The following CNTN4 variants were observed in gnomAD, a reference collection of about 807,000 sequenced individuals.
The protein encoded by CNTN4 is contactin 4, also known as contactin-4.
Under a neutral mutation model 122.5 loss-of-function variants are expected in CNTN4, and 77 were observed. The observed-to-expected ratio is 0.63, with a 90% CI of 0.52 to 0.76. The LOEUF (loss-of-function observed/expected upper bound fraction) is 0.76. Among genes scored for constraint, CNTN4 ranks in the 30% least tolerant of loss-of-function variants. The pLI is 0.00. For missense variants in CNTN4, 1,256 were observed against 1,259.1 expected (o/e 1.00, Z 0.04); for synonymous variants, 512 against 447.0 (o/e 1.15, Z -1.83).
chr3:2,331,019 A>G (rs1575392356), intron 2 of CNTN4, among the ~76,000 whole-genome samples: 1 of 152,326 alleles, frequency 6.6e-6, no homozygotes, highest in South Asian at 2.1e-4. Context: ...ATGTAGAGTG[A>G]CAAGTTTTCA....
At chr3:2,714,143 C>A (rs1281144203) in intron 4 of CNTN4, among the ~76,000 whole-genome samples, 1 of 152,022 alleles carries the variant, frequency 6.6e-6, no homozygotes, top group Non-Finnish European at 1.5e-5. Flanking sequence ...CCCCTGTTGG[C>A]CAGGCAGTGT....
chr3:2,120,367 A>ATT, intron 2 of CNTN4, among the ~76,000 whole-genome samples: 1 of 47,786 alleles, frequency 2.1e-5, no homozygotes, highest in Admixed American at 3.5e-4. Context: ...ATATATATAT[A>ATT]TATATAAATA....
chr3:2,706,359 G>C (rs1233391220), intron 4 of CNTN4, among the ~76,000 whole-genome samples: 2 of 152,172 alleles, frequency 1.3e-5, no homozygotes, highest in East Asian at 3.9e-4. Context: ...GATTACATAA[G>C]GAAAAATGAT....
At chr3:2,605,162 C>T (rs1467417863) in intron 4 of CNTN4, among the ~76,000 whole-genome samples, 2 of 152,134 alleles carry the variant, frequency 1.3e-5, no homozygotes, top group Non-Finnish European at 2.9e-5. Context: ...GCACACCATG[C>T]CTGTCTAATA....
intron 3 of CNTN4, among the ~76,000 whole-genome samples, chr3:2,401,273 GTC>G (rs1167239210): frequency 1.3e-5 from 2 of 152,172 alleles, no homozygotes; most frequent in East Asian, 3.9e-4. Context: ...GTTTCTCAAG[GTC>G]AGAGAGCCTG....
chr3:2,148,143 A>G (rs746348849), intron 2 of CNTN4, among the ~76,000 whole-genome samples: 2 of 152,206 alleles, frequency 1.3e-5, no homozygotes, highest in Non-Finnish European at 2.9e-5. Context: ...AATTCAGAAA[A>G]TAGTAGTAGG....
At chr3:2,710,609 TGTG>T (rs1185931564) in intron 4 of CNTN4, among the ~76,000 whole-genome samples, 1 of 152,168 alleles carries the variant, frequency 6.6e-6, no homozygotes, top group African/African-American at 2.4e-5. Flanking sequence ...TGTCCAATCT[TGTG>T]GTCTGTCTTC....
chr3:2,775,800 C>CT (rs2091292420), intron 6 of CNTN4, among the ~76,000 whole-genome samples: 2 of 152,006 alleles, frequency 1.3e-5, no homozygotes, highest in African/African-American at 4.8e-5. Flanking sequence ...TATTTTTTGT[C>CT]TTTTTTACTA....
At chr3:2,908,944 A>T (rs976553808) in intron 12 of CNTN4, among the ~76,000 whole-genome samples, 2 of 152,126 alleles carry the variant, frequency 1.3e-5, no homozygotes, top group Non-Finnish European at 2.9e-5. Flanking sequence ...ACACTCAAAT[A>T]CCATCAAGTA....
chr3:2,249,907 AG>A (rs1297079627), intron 2 of CNTN4, among the ~76,000 whole-genome samples: 1 of 151,796 alleles, frequency 6.6e-6, no homozygotes, highest in African/African-American at 2.4e-5. Flanking sequence ...ATCCCTATAG[AG>A]GGATTTTGAA....
chr3:2,551,852 G>A (rs948611694), intron 3 of CNTN4, among the ~76,000 whole-genome samples: 1 of 151,884 alleles, frequency 6.6e-6, no homozygotes, highest in African/African-American at 2.4e-5. Flanking sequence ...TTTTTCTTTA[G>A]TTATTAATAG....
At chr3:2,495,329 C>G (rs1575766525) in intron 3 of CNTN4, among the ~76,000 whole-genome samples, 1 of 152,196 alleles carries the variant, frequency 6.6e-6, no homozygotes, top group African/African-American at 2.4e-5. Flanking sequence ...GTGTTTTGAA[C>G]TTCTTCAAGT....
At chr3:2,821,001 A>G (rs1389700805) in intron 7 of CNTN4, among the ~76,000 whole-genome samples, 2 of 122,122 alleles carry the variant, frequency 1.6e-5, no homozygotes, top group African/African-American at 3.3e-5. Flanking sequence ...TCGCTTTGTC[A>G]CCCAATCTGG....
At chr3:2,865,119 A>C (rs1298266502) in intron 7 of CNTN4, among the ~76,000 whole-genome samples, 1 of 152,220 alleles carries the variant, frequency 6.6e-6, no homozygotes, top group African/African-American at 2.4e-5. Context: ...GTATATTTAC[A>C]CTGAGTATCC....
At chr3:2,752,930 C>T (rs912070906) in intron 6 of CNTN4, among the ~76,000 whole-genome samples, 10 of 152,132 alleles carry the variant, frequency 6.6e-5, no homozygotes, top group East Asian at 1.9e-4. Context: ...GATTCATCCA[C>T]GGTGCCATAA....
At chr3:2,169,357 A>T (rs554301130) in intron 2 of CNTN4, among the ~76,000 whole-genome samples, 2 of 152,298 alleles carry the variant, frequency 1.3e-5, no homozygotes, top group South Asian at 2.1e-4. Context: ...CTTTTGATGA[A>T]ATCAAATCGA....
intron 6 of CNTN4, among the ~76,000 whole-genome samples, chr3:2,746,199 G>C (rs1248367543): frequency 6.6e-6 from 1 of 151,280 alleles, no homozygotes; most frequent in Non-Finnish European, 1.5e-5. Context: ...ATAAAGGTGA[G>C]AGTTGGAAAA....
At chr3:2,310,489 A>G (rs1005912094) in intron 2 of CNTN4, among the ~76,000 whole-genome samples, 4 of 152,114 alleles carry the variant, frequency 2.6e-5, no homozygotes, top group Admixed American at 6.5e-5. Context: ...TACAAAGCCT[A>G]TGGAGACATT....
intron 2 of CNTN4, among the ~76,000 whole-genome samples, chr3:2,159,145 C>A (rs555260166): frequency 6.6e-6 from 1 of 152,254 alleles, no homozygotes; most frequent in African/African-American, 2.4e-5. Flanking sequence ...AGGATCTGAT[C>A]TGAGAGAGAG....
Sources: allele counts gnomAD v4.1 joint callset (sites outside exome capture counted in the v4.1 genomes callset), GRCh38; gene constraint gnomAD v4.1.1; transcripts MANE v1.5; gene names NCBI Gene and HGNC (gene_info 2026-07-23, HGNC 2026-07-21).